Variants in GRIA4 observed in about 807,000 individuals in gnomAD.
GRIA4 encodes glutamate receptor 4.
In GRIA4, 34 loss-of-function variants were observed where a neutral mutation model predicts 104.0. That is an observed-to-expected ratio of 0.33 (90% confidence interval 0.25 to 0.44). GRIA4 has a LOEUF of 0.44. Ranked by LOEUF, GRIA4 falls within the 20% of genes least tolerant of loss-of-function variation. GRIA4 has a pLI of 1.00. For synonymous variants in GRIA4, 386 were observed against 381.9 expected, an observed-to-expected ratio of 1.01 and a Z score of -0.13; for missense variants, 750 against 1,096.5, an observed-to-expected ratio of 0.68 and a Z score of 4.46.
Position 105,888,451 on chromosome 11 carries a change from T to A in GRIA4, c.726+879T>A, listed in dbSNP as rs1027175784. Among the ~76,000 whole-genome samples the A allele has an allele frequency of 2.7e-5, 4 of 149,826 alleles. No individual in the cohort carries two copies. In the South Asian group the frequency reaches 6.4e-4, roughly 24 times the overall value. The stretch of plus-strand genomic sequence containing the variant: ...GGTGCCCGCCACTACGCCCGGCTAA[T>A]TTTTTTTTGTATTTTTAGTAGAGAC... On this transcript the variant is annotated intron_variant, in intron 6 of 16. Transcript: ENST00000282499.
At chr11:105,779,992 G>T (rs554107834) in intron 4 of GRIA4, among the ~76,000 whole-genome samples, 1 of 152,146 alleles carries the variant, frequency 6.6e-6, no homozygotes, top group African/African-American at 2.4e-5. Context: ...AAGGGTAAAA[G>T]TATTAAGATA....
At position 105,924,641 on chromosome 11, in the gene GRIA4, G is replaced by A. The variant is rs1264422320; in HGVS notation, c.1719G>A (p.Trp573Ter). The change falls in exon 12 of 17, where the codon TGG becomes TGA. Residue 573 changes from tryptophan to a stop codon, truncating the protein, a stop_gained. Transcript: ENST00000282499. LOFTEE classifies it high-confidence loss of function. ...TTAGTAGATTTAGTCCATATGAGTG[G>A]CACACAGAAGAGCCAGAGGACGGAA... ...FLVSRFSPYE[W>*]HTEEPEDGKE... 6.2e-7 allele frequency: 1 copy of A among 1,613,062 alleles called. No homozygotes were observed. The highest frequency in any genetic ancestry group is 8.5e-7 in the Non-Finnish European group (1 of 1,179,412).
At chr11:105,951,858 A>G (rs1591480211) in intron 14 of GRIA4, among the ~76,000 whole-genome samples, 2 of 152,216 alleles carry the variant, frequency 1.3e-5, no homozygotes, top group East Asian at 3.9e-4. Context: ...GCTACTCAGG[A>G]GGCTGAGGTG....
chr11:105,637,363 T>C (rs1951233835), intron 3 of GRIA4, among the ~76,000 whole-genome samples: 1 of 152,196 alleles, frequency 6.6e-6, no homozygotes, highest in Non-Finnish European at 1.5e-5. Flanking sequence ...GTAATGCTTT[T>C]AAGTTGGATT....
chr11:105,916,726 T>G (rs1403928825), intron 10 of GRIA4, among the ~76,000 whole-genome samples: 1 of 152,226 alleles, frequency 6.6e-6, no homozygotes, highest in East Asian at 1.9e-4. Flanking sequence ...CAGTAATATA[T>G]GTACTTGAGT....
At position 105,887,563 on chromosome 11, in the gene GRIA4, T is replaced by G; in HGVS notation, c.717T>G (p.Ile239Met). ...GKHVKGYHYI[I>M]ANLGFKDISL... Reference sequence around the variant, plus strand: ...ATGTTAAAGGCTACCATTATATCATTGCAAACTTGGTAAGAACTTCTTATT... The same window carrying G: ...ATGTTAAAGGCTACCATTATATCATGGCAAACTTGGTAAGAACTTCTTATT... Residue 239 changes from isoleucine to methionine, a missense_variant, in exon 6 of 17, where the codon ATT (isoleucine) becomes ATG (methionine). Coordinates refer to ENST00000282499, the MANE Select transcript of GRIA4 (RefSeq NM_000829.4). 1 of 1,417,186 alleles carries G rather than the reference T, an allele frequency of 7.1e-7. No individual in the cohort carries two copies. The highest frequency in any genetic ancestry group is 1.2e-5 in the South Asian group (1 of 83,672). 87.8% of individuals were successfully genotyped at this position (1,417,186 alleles called of 1,614,324 possible). A position where few individuals can be genotyped will look rare whatever the true frequency, so the allele number is the denominator to read the frequency against.
intron 14 of GRIA4, among the ~76,000 whole-genome samples, chr11:105,953,525 A>T (rs1214276311): frequency 1.3e-5 from 2 of 152,346 alleles, no homozygotes; most frequent in Admixed American, 1.3e-4. Context: ...ATTTAATAAC[A>T]GAATGAATAG....
chr11:105,737,497 A>G (rs1939026182), intron 3 of GRIA4, among the ~76,000 whole-genome samples: 1 of 152,142 alleles, frequency 6.6e-6, no homozygotes, highest in Non-Finnish European at 1.5e-5. Context: ...AGAAAAAAAA[A>G]AGTATTGAAA....
chr11:105,805,116 A>G (rs1942891441), intron 4 of GRIA4, among the ~76,000 whole-genome samples: 2 of 151,974 alleles, frequency 1.3e-5, no homozygotes, highest in Admixed American at 6.6e-5. Context: ...ATTTTAAATT[A>G]ACACTTTGTT....
chr11:105,849,543 G>C (rs983199420), intron 4 of GRIA4, among the ~76,000 whole-genome samples: 9 of 152,184 alleles, frequency 5.9e-5, no homozygotes, highest in Non-Finnish European at 4.4e-5. Context: ...TGGCAATGAC[G>C]CTGAACTACC....
chr11:105,977,829 C>T (rs639003), intron 16 of GRIA4, among the ~76,000 whole-genome samples: 86,371 of 151,784 alleles, frequency 0.57, 24,615 homozygotes, highest in Middle Eastern at 0.63. Flanking sequence ...CCCAGAGTCT[C>T]ACTTCAAAAA....
intron 3 of GRIA4, among the ~76,000 whole-genome samples, chr11:105,704,908 G>T (rs1189505359): frequency 6.6e-6 from 1 of 152,058 alleles, no homozygotes; most frequent in Non-Finnish European, 1.5e-5. Context: ...AAGACAAGTT[G>T]ATAATAAAAG....
intron 3 of GRIA4, among the ~76,000 whole-genome samples, chr11:105,688,095 C>T (rs982204041): frequency 1.3e-5 from 2 of 149,124 alleles, no homozygotes; most frequent in Non-Finnish European, 3.0e-5. Flanking sequence ...TATTCTCTCT[C>T]TCTGTCTCAT....
At chr11:105,630,188 A>G in intron 3 of GRIA4, among the ~76,000 whole-genome samples, 1 of 152,130 alleles carries the variant, frequency 6.6e-6, no homozygotes, top group East Asian at 1.9e-4. Context: ...CCCCACATTG[A>G]ATGACTGGAA....
At chr11:105,840,775 A>G (rs368944599) in intron 4 of GRIA4, among the ~76,000 whole-genome samples, 1 of 152,218 alleles carries the variant, frequency 6.6e-6, no homozygotes, top group Non-Finnish European at 1.5e-5. Context: ...CATTTCTTAG[A>G]AAGCTACAGT....
intron 3 of GRIA4, among the ~76,000 whole-genome samples, chr11:105,684,394 A>G (rs1406371762): frequency 6.6e-6 from 1 of 151,940 alleles, no homozygotes; most frequent in Non-Finnish European, 1.5e-5. Flanking sequence ...TATGTCAGGC[A>G]TTTGTTTAGA....
chr11:105,972,689 C>T (rs769354774), intron 15 of GRIA4, among the ~76,000 whole-genome samples: 1 of 151,934 alleles, frequency 6.6e-6, no homozygotes, highest in Non-Finnish European at 1.5e-5. Flanking sequence ...ATGCAGGAAC[C>T]TATATTCCTA....
chr11:105,930,446 C>CTCTTTCTTCCAGATT (rs1491482694), intron 13 of GRIA4, among the ~76,000 whole-genome samples: 4 of 151,976 alleles, frequency 2.6e-5, no homozygotes, highest in Non-Finnish European at 5.9e-5. Flanking sequence ...CTGTGGATTC[C>CTCTTTCTTCCAGATT]TCTTTCTTCC....
chr11:105,873,100 G>T (rs113567943), intron 5 of GRIA4, among the ~76,000 whole-genome samples: 81 of 152,166 alleles, frequency 5.3e-4, no homozygotes, highest in African/African-American at 1.9e-3. Context: ...ACAGGCCCCA[G>T]TGTGTGATGT....
Sources: allele counts gnomAD v4.1 joint callset (sites outside exome capture counted in the v4.1 genomes callset), GRCh38; gene constraint gnomAD v4.1.1; transcripts MANE v1.5; gene names NCBI Gene and HGNC (gene_info 2026-07-23, HGNC 2026-07-21).